The following SLCO6A1 variants were observed in gnomAD, a reference collection of about 807,000 sequenced individuals.
SLCO6A1 encodes solute carrier organic anion transporter family member 6A1, also known as cancer/testis antigen 48.
A neutral mutation model predicts 72.7 loss-of-function variants in SLCO6A1; 65 were observed. That is an observed-to-expected ratio of 0.89 (90% CI 0.73 to 1.10). The LOEUF is 1.10. Ranked by LOEUF, SLCO6A1 falls within the 50% of genes least tolerant of loss-of-function variation. SLCO6A1 has a pLI of 0.00. For missense variants in SLCO6A1, 874 were observed against 872.6 expected, an observed-to-expected ratio of 1.00 and a Z score of -0.02; for synonymous variants, 314 against 298.2, an observed-to-expected ratio of 1.05 and a Z score of -0.55.
At chr5:102,415,816 AG>A (rs1748251655) in intron 8 of SLCO6A1, among the ~76,000 whole-genome samples, 1 of 152,130 alleles carries the variant, frequency 6.6e-6, no homozygotes, top group African/African-American at 2.4e-5. Context: ...CATCCAACGA[AG>A]ACTAATATCC....
At chr5:102,432,964 G>T (rs1749301287) in intron 7 of SLCO6A1, among the ~76,000 whole-genome samples, 1 of 151,968 alleles carries the variant, frequency 6.6e-6, no homozygotes, top group Non-Finnish European at 1.5e-5. Flanking sequence ...CATTTTGTTT[G>T]TTCCTTTTTA....
chr5:102,392,491 C>T (rs1746821857), intron 10 of SLCO6A1, among the ~76,000 whole-genome samples: 1 of 151,948 alleles, frequency 6.6e-6, no homozygotes. Flanking sequence ...ACATATATAG[C>T]TGACCATTAT....
chr5:102,454,878 C>A (rs1750617598), intron 6 of SLCO6A1, among the ~76,000 whole-genome samples: 1 of 150,312 alleles, frequency 6.7e-6, no homozygotes. Context: ...TAAATGTAAC[C>A]AATTAGGAGG....
At chr5:102,396,470 A>G (rs1025446565) in intron 10 of SLCO6A1, among the ~76,000 whole-genome samples, 4 of 152,156 alleles carry the variant, frequency 2.6e-5, no homozygotes, top group Non-Finnish European at 5.9e-5. Flanking sequence ...TTATTTTTCC[A>G]TAAGAACTTT....
chr5:102,389,701 T>C (rs926172513), intron 11 of SLCO6A1, among the ~76,000 whole-genome samples: 4 of 152,084 alleles, frequency 2.6e-5, no homozygotes, highest in African/African-American at 9.7e-5. Context: ...CTTTTTTCAA[T>C]CCATCATACA....
intron 1 of SLCO6A1, among the ~76,000 whole-genome samples, chr5:102,496,421 T>C (rs183306594): frequency 6.6e-6 from 1 of 152,334 alleles, no homozygotes; most frequent in East Asian, 1.9e-4. Context: ...CTCAATATTA[T>C]ACCCAAACTG....
chr5:102,416,864 A>G (rs1030219031), intron 8 of SLCO6A1, among the ~76,000 whole-genome samples: 2 of 152,190 alleles, frequency 1.3e-5, no homozygotes, highest in African/African-American at 4.8e-5. Flanking sequence ...ATGTCAATTA[A>G]GACAGTTGGC....
chr5:102,440,402 G>C (rs531229131), intron 6 of SLCO6A1, among the ~76,000 whole-genome samples: 1 of 152,200 alleles, frequency 6.6e-6, no homozygotes, highest in African/African-American at 2.4e-5. Context: ...TAGGTTGTGC[G>C]ATCCCCATGA....
chr5:102,381,867 T>A (rs1202972053), intron 12 of SLCO6A1, among the ~76,000 whole-genome samples: 1 of 151,662 alleles, frequency 6.6e-6, no homozygotes, highest in Non-Finnish European at 1.5e-5. Flanking sequence ...TTATGTCATC[T>A]TTTAAGAAAT....
intron 4 of SLCO6A1, among the ~76,000 whole-genome samples, chr5:102,460,333 C>G (rs1010761699): frequency 3.9e-5 from 6 of 152,088 alleles, no homozygotes; most frequent in Admixed American, 1.3e-4. Context: ...CCCTTAGGAC[C>G]CTTTGCTGTC....
At chr5:102,382,981 GATAT>G (rs995762561) in intron 12 of SLCO6A1, among the ~76,000 whole-genome samples, 12 of 143,114 alleles carry the variant, frequency 8.4e-5, no homozygotes, top group Admixed American at 2.1e-4. Flanking sequence ...ATATATGAGA[GATAT>G]ATATATGTGT....
At chr5:102,482,151 G>A (rs938991194) in intron 1 of SLCO6A1, among the ~76,000 whole-genome samples, 2 of 152,050 alleles carry the variant, frequency 1.3e-5, no homozygotes, top group African/African-American at 2.4e-5. Context: ...TTCCCCTTCC[G>A]ATTGAGGCAT....
At chr5:102,396,695 T>C (rs1747103743) in intron 10 of SLCO6A1, among the ~76,000 whole-genome samples, 1 of 152,150 alleles carries the variant, frequency 6.6e-6, no homozygotes, top group Non-Finnish European at 1.5e-5. Context: ...TCACTTTTAT[T>C]TTGACAGTAT....
intron 7 of SLCO6A1, among the ~76,000 whole-genome samples, chr5:102,431,750 A>G (rs542461111): frequency 3.9e-5 from 6 of 152,162 alleles, no homozygotes; most frequent in Admixed American, 3.9e-4. Context: ...TCTCAGGTCT[A>G]TTTGGTCTAG....
chr5:102,386,980 A>G (rs554097542), intron 12 of SLCO6A1, among the ~76,000 whole-genome samples: 1 of 152,188 alleles, frequency 6.6e-6, no homozygotes, highest in African/African-American at 2.4e-5. Context: ...ACCCTCTTCA[A>G]TGTGTCTTTT....
intron 4 of SLCO6A1, among the ~76,000 whole-genome samples, chr5:102,460,783 T>G (rs1409470166): frequency 6.6e-6 from 1 of 151,794 alleles, no homozygotes; most frequent in East Asian, 1.9e-4. Context: ...ATGTAGAGAA[T>G]GTACACTGTC....
At position 102,371,890 on chromosome 5, in the gene SLCO6A1, T is replaced by C. The variant is rs1750644635; in HGVS notation, c.*249A>G. On this transcript the variant is annotated 3_prime_UTR_variant, in exon 14 of 14. Coordinates refer to ENST00000506729, the MANE Select transcript of SLCO6A1 (RefSeq NM_173488.5). ...TAAATAATCTAAAATTATTAAACTT[T>C]AATTCTCCCAGTAAATCCTAAAAAT... is the stretch of plus-strand genomic sequence containing the variant. 6.6e-6 allele frequency: 1 copy of C among 152,048 alleles called. No homozygotes were observed. Among genetic ancestry groups the C allele is most frequent in the Non-Finnish European group, 1.5e-5 (1 of 67,918 alleles). 9.4% of individuals were successfully genotyped at this position (152,048 alleles called of 1,614,324 possible).
intron 11 of SLCO6A1, among the ~76,000 whole-genome samples, chr5:102,389,445 G>GCCCCC (rs200901362): frequency 1.1e-4 from 4 of 35,158 alleles, no homozygotes; most frequent in East Asian, 8.1e-4. Flanking sequence ...CACACACCCC[G>GCCCCC]CCCCCCACCC....
chr5:102,378,515 T>A (rs1348958881), intron 12 of SLCO6A1, among the ~76,000 whole-genome samples: 2 of 152,202 alleles, frequency 1.3e-5, no homozygotes, highest in African/African-American at 4.8e-5. Context: ...CTGGCAACCC[T>A]ACTTATGATT....
Sources: gnomAD v4.1 joint callset for allele counts (sites outside exome capture counted in the v4.1 genomes callset) on GRCh38, gnomAD v4.1.1 for gene constraint, MANE v1.5 for transcripts, NCBI Gene and HGNC (gene_info 2026-07-23, HGNC 2026-07-21) for gene names.